Variants in TRMT9B observed in about 807,000 individuals in gnomAD.
The protein encoded by TRMT9B is probable tRNA methyltransferase 9B.
A neutral mutation model predicts 11.5 loss-of-function variants in TRMT9B; 16 were observed. The ratio of observed to expected loss-of-function variants is 1.39; its 90% CI spans 0.94 to 2.11. The LOEUF is 2.11. Ranked by LOEUF, TRMT9B falls within the 30% of genes most tolerant of loss-of-function variation. TRMT9B has a pLI of 0.00. For synonymous variants in TRMT9B, 274 were observed against 192.4 expected (o/e 1.42, Z -3.51); for missense variants, 941 against 553.8 (o/e 1.70, Z -7.02).
chr8:13,018,604 A>G (rs1284029217), intron 4 of TRMT9B, among the ~76,000 whole-genome samples: 1 of 152,180 alleles, frequency 6.6e-6, no homozygotes, highest in East Asian at 1.9e-4. Flanking sequence ...TGAACACTGA[A>G]TTAATAAATT....
intron 1 of TRMT9B, among the ~76,000 whole-genome samples, chr8:12,982,091 C>T (rs1414341558): frequency 1.3e-5 from 2 of 152,142 alleles, no homozygotes; most frequent in African/African-American, 4.8e-5. Context: ...TTATATCTAT[C>T]TGTCTACATA....
chr8:12,995,119 T>C (rs1808105921), intron 2 of TRMT9B, among the ~76,000 whole-genome samples: 1 of 152,230 alleles, frequency 6.6e-6, no homozygotes, highest in Non-Finnish European at 1.5e-5. Context: ...TTTTTAATAA[T>C]TTCCTAATAC....
At chr8:12,970,824 C>T (rs147162847) in intron 1 of TRMT9B, among the ~76,000 whole-genome samples, 17 of 152,272 alleles carry the variant, frequency 1.1e-4, no homozygotes, top group African/African-American at 3.9e-4. Context: ...CAGGGTAACA[C>T]GTTTGGGAAC....
At chr8:12,961,793 A>G (rs2466267) in intron 1 of TRMT9B, 131,518 of 151,826 alleles carry the variant, frequency 0.87, 57,058 homozygotes, top group Middle Eastern at 0.91. Context: ...TCCAAGTCAA[A>G]AGAATTAACA....
At chr8:12,971,490 A>G (rs1803622583) in intron 1 of TRMT9B, among the ~76,000 whole-genome samples, 1 of 152,196 alleles carries the variant, frequency 6.6e-6, no homozygotes. Flanking sequence ...TCCGACTTCA[A>G]ATTGTGTATT....
intron 2 of TRMT9B, among the ~76,000 whole-genome samples, chr8:12,998,135 A>G (rs1426184633): frequency 6.6e-6 from 1 of 152,184 alleles, no homozygotes; most frequent in Non-Finnish European, 1.5e-5. Context: ...TATATTCTGG[A>G]TACTACTCAA....
At chr8:12,956,531 A>T (rs1263988628) in intron 1 of TRMT9B, among the ~76,000 whole-genome samples, 1 of 152,222 alleles carries the variant, frequency 6.6e-6, no homozygotes, top group East Asian at 1.9e-4. Flanking sequence ...ATCAAGGTAA[A>T]ATATTAGGAA....
rs372446365 is a variant in TRMT9B at position 13,019,582 on chromosome 8, C to T, written c.329-1426C>T. Among the ~76,000 whole-genome samples, 59 of 152,362 alleles carry T rather than the reference C, an allele frequency of 3.9e-4. No individual in the cohort carries two copies. In the East Asian group the frequency reaches 9.4e-3, roughly 24 times the overall value. The stretch of plus-strand genomic sequence containing the variant: ...GTGCTGGGATTACTGGCATGAGCCA[C>T]TGCACACAGCACGGGAGATATTAAT... On this transcript the variant is annotated intron_variant, in intron 4 of 4. Transcript: ENST00000524591.
At chr8:13,003,120 G>A (rs908723774) in intron 2 of TRMT9B, among the ~76,000 whole-genome samples, 1 of 152,144 alleles carries the variant, frequency 6.6e-6, no homozygotes, top group African/African-American at 2.4e-5. Flanking sequence ...GAGTCTTCCA[G>A]CAGACTCTGC....
Position 12,990,919 on chromosome 8 carries a change from T to G in TRMT9B, c.-114T>G. 1 of 1,289,422 alleles carries G rather than the reference T, an allele frequency of 7.8e-7. No homozygotes were observed. The highest frequency in any genetic ancestry group is 1.0e-6 in the Non-Finnish European group (1 of 988,578). The allele number at this position is 1,289,422 out of a possible 1,614,324, so 79.9% of individuals were successfully genotyped here. On this transcript the variant is annotated 5_prime_UTR_variant, in exon 2 of 5. The change creates a new upstream start codon in the 5' untranslated region. Coordinates refer to ENST00000524591, the MANE Select transcript of TRMT9B (RefSeq NM_020844.3). Reference sequence around the variant, plus strand: ...TCATTTCACTCCTACAAGTTTTCATTTACGTTACACATTGAGAAAGTTATG... The same window carrying G: ...TCATTTCACTCCTACAAGTTTTCATGTACGTTACACATTGAGAAAGTTATG...
At chr8:12,996,572 A>T (rs1003446147) in intron 2 of TRMT9B, among the ~76,000 whole-genome samples, 2 of 152,202 alleles carry the variant, frequency 1.3e-5, no homozygotes, top group Non-Finnish European at 2.9e-5. Flanking sequence ...CCCAGAAGGC[A>T]CTGACTGGAT....
In TRMT9B at chr8:12,991,025, G is replaced by GA; in HGVS notation, c.-7dup. 1 of 1,254,676 alleles carries GA rather than the reference G, an allele frequency of 8.0e-7. No individual in the cohort carries two copies. The highest frequency in any genetic ancestry group is 1.4e-5 in the South Asian group (1 of 73,796). 77.7% of individuals were successfully genotyped at this position (1,254,676 alleles called of 1,614,324 possible). On this transcript the variant is annotated 5_prime_UTR_variant, in exon 2 of 5. Transcript: ENST00000524591. The stretch of plus-strand genomic sequence containing the variant: ...GGTAATTTTCCTGTAATCACAGGAT[G>GA]ACTCAGGTTAGTAGCTTTCAGCGCT...
chr8:12,977,088 A>G (rs1168569339), intron 1 of TRMT9B, among the ~76,000 whole-genome samples: 2 of 152,180 alleles, frequency 1.3e-5, no homozygotes, highest in Non-Finnish European at 2.9e-5. Context: ...AGAAAATTCA[A>G]ATGCAGATTA....
At chr8:12,999,549 A>T (rs1809015956) in intron 2 of TRMT9B, among the ~76,000 whole-genome samples, 1 of 152,202 alleles carries the variant, frequency 6.6e-6, no homozygotes, top group African/African-American at 2.4e-5. Context: ...TTAAAAATTT[A>T]AAAGAAATAT....
At chr8:13,008,003 T>A (rs1810819269) in intron 3 of TRMT9B, among the ~76,000 whole-genome samples, 1 of 152,226 alleles carries the variant, frequency 6.6e-6, no homozygotes, top group Non-Finnish European at 1.5e-5. Context: ...ATTTCATATA[T>A]GTATCATAAA....
intron 1 of TRMT9B, among the ~76,000 whole-genome samples, chr8:12,981,847 C>T (rs1184444781): frequency 1.3e-5 from 2 of 152,088 alleles, no homozygotes; most frequent in Non-Finnish European, 2.9e-5. Context: ...GATCATCCTG[C>T]CTCAGCCTCC....
rs1290637103 is a variant in TRMT9B, at chr8:13,006,690, T to C, written c.154+334T>C. 3.8e-6 allele frequency: 5 copies of C among 1,321,180 alleles called. No individual in the cohort carries two copies. In the South Asian group the frequency reaches 6.9e-5, roughly 18 times the overall value. 81.8% of individuals were successfully genotyped at this position (1,321,180 alleles called of 1,614,324 possible). On this transcript the variant is annotated intron_variant, in intron 3 of 4. Coordinates refer to ENST00000524591, the MANE Select transcript of TRMT9B (RefSeq NM_020844.3). ...TTATTTTATTTTTATTCTTTTGAGA[T>C]GGAGTTTCACTCTTGTCAACCAGAT...
Position 13,023,256 on chromosome 8 carries a change from A to G in TRMT9B, c.*1212A>G, listed in dbSNP as rs1243229499. 1 of 167,128 alleles carries G rather than the reference A, an allele frequency of 6.0e-6. No homozygotes were observed. The highest frequency in any genetic ancestry group is 1.5e-5 in the Non-Finnish European group (1 of 68,128). The allele number at this position is 167,128 out of a possible 1,614,324, so 10.4% of individuals were successfully genotyped here. The stretch of plus-strand genomic sequence containing the variant: ...GAGTTGACGGACTCTTTAGGAAAGG[A>G]GAATCTAAGTGAAGCACTGATTTTA... On this transcript the variant is annotated 3_prime_UTR_variant, in exon 5 of 5. Coordinates refer to ENST00000524591, the MANE Select transcript of TRMT9B (RefSeq NM_020844.3).
intron 2 of TRMT9B, among the ~76,000 whole-genome samples, chr8:12,994,964 G>A (rs1223488329): frequency 6.6e-6 from 1 of 152,202 alleles, no homozygotes; most frequent in Non-Finnish European, 1.5e-5. Context: ...TTACAGGCGT[G>A]AGCCCCCGCG....
Sources: gnomAD v4.1 joint callset for allele counts (sites outside exome capture counted in the v4.1 genomes callset) on GRCh38, gnomAD v4.1.1 for gene constraint, MANE v1.5 for transcripts, NCBI Gene and HGNC (gene_info 2026-07-23, HGNC 2026-07-21) for gene names.